The following PTPN2 variants were observed in gnomAD, a reference collection of about 807,000 sequenced individuals.
PTPN2 encodes the protein tyrosine-protein phosphatase non-receptor type 2.
In PTPN2, 19 loss-of-function variants were observed where a neutral mutation model predicts 57.3. The observed-to-expected ratio is 0.33, with a 90% CI of 0.23 to 0.49. The LOEUF (loss-of-function observed/expected upper bound fraction) is 0.49, where lower values mean the gene tolerates loss of function less well. Among genes scored for constraint, PTPN2 ranks in the 20% least tolerant of loss-of-function variants. The pLI is 0.99. For missense variants in PTPN2, 358 were observed against 501.1 expected (o/e 0.71, Z 2.73); for synonymous variants, 153 against 164.9 (o/e 0.93, Z 0.55).
intron 1 of PTPN2, among the ~76,000 whole-genome samples, chr18:12,860,699 C>T (rs1233115394): frequency 6.6e-6 from 1 of 152,116 alleles, no homozygotes; most frequent in Non-Finnish European, 1.5e-5. Flanking sequence ...GAGGCGGAGG[C>T]TGCAGTGAGC....
intron 1 of PTPN2, chr18:12,880,839 C>T (rs2145550753): frequency 6.6e-6 from 1 of 152,338 alleles, no homozygotes; most frequent in Non-Finnish European, 1.5e-5. Flanking sequence ...TTCATGATTT[C>T]CAAAATCACA....
At chr18:12,787,690 T>C (rs1233463845), downstream of PTPN2, 3 of 152,212 alleles carry the variant, frequency 2.0e-5, no homozygotes, top group Admixed American at 2.0e-4. Context: ...AGACTTTACT[T>C]GCAAGACTGA....
intron 1 of PTPN2, chr18:12,880,827 T>A (rs956271171): frequency 6.6e-6 from 1 of 152,276 alleles, no homozygotes; most frequent in Non-Finnish European, 1.5e-5. Flanking sequence ...ATCACCCATG[T>A]GTTCATGATT....
chr18:12,790,605 T>C (rs114159245), downstream of PTPN2, among the ~76,000 whole-genome samples: 569 of 152,220 alleles, frequency 3.7e-3, 7 homozygotes, highest in African/African-American at 0.013. Context: ...AAAGAAAAAA[T>C]ACAGTGTCTG....
intron 1 of PTPN2, among the ~76,000 whole-genome samples, chr18:12,871,855 C>G (rs375957228): frequency 1.3e-5 from 2 of 151,996 alleles, no homozygotes; most frequent in East Asian, 3.8e-4. Flanking sequence ...CAAGACCAGC[C>G]TGGCCAACAT....
At chr18:12,823,605 G>A (rs2042346451) in intron 5 of PTPN2, among the ~76,000 whole-genome samples, 1 of 152,112 alleles carries the variant, frequency 6.6e-6, no homozygotes, top group Non-Finnish European at 1.5e-5. Flanking sequence ...AATCCAGGAG[G>A]TGGAGGCTGC....
At chr18:12,850,544 G>C (rs1297513948) in intron 2 of PTPN2, among the ~76,000 whole-genome samples, 1 of 151,858 alleles carries the variant, frequency 6.6e-6, no homozygotes, top group East Asian at 1.9e-4. Flanking sequence ...TTTCATTGCA[G>C]TACTGTTTTA....
chr18:12,801,185 C>T (rs1195413303), intron 8 of PTPN2, among the ~76,000 whole-genome samples: 2 of 152,176 alleles, frequency 1.3e-5, no homozygotes, highest in African/African-American at 4.8e-5. Context: ...CCTTTGTCAT[C>T]ATATACTAAA....
chr18:12,809,181 G>A lies in PTPN2; in HGVS notation c.858+5022C>T, dbSNP rs541725158. On this transcript the variant is annotated intron_variant, in intron 7 of 8. Coordinates refer to ENST00000309660, the MANE Select transcript of PTPN2 (RefSeq NM_002828.4). ...TAGATGGCAACACAAACCAGGATTC[G>A]GACCAAGATGAAGACAAATTTCAGT... Among the ~76,000 whole-genome samples, 6 of 152,208 alleles carry A rather than the reference G, an allele frequency of 3.9e-5. No individual in the cohort carries two copies. The South Asian group carries it at 6.2e-4, about 16-fold the overall frequency.
At chr18:12,839,814 C>T (rs1048215474) in intron 2 of PTPN2, among the ~76,000 whole-genome samples, 3 of 152,134 alleles carry the variant, frequency 2.0e-5, no homozygotes, top group African/African-American at 7.2e-5. Context: ...GGAGTCCCTT[C>T]ACCTCCTACC....
chr18:12,826,986 G>A (rs187980657), intron 4 of PTPN2, among the ~76,000 whole-genome samples: 6 of 152,126 alleles, frequency 3.9e-5, no homozygotes, highest in African/African-American at 4.8e-5. Context: ...ATATTTTAAC[G>A]TCATGGGACA....
intron 5 of PTPN2, chr18:12,818,944 C>T (rs897407488): frequency 1.1e-5 from 2 of 185,294 alleles, no homozygotes; most frequent in South Asian, 2.9e-4. Context: ...AAATACAAAC[C>T]TTATCTGGGC....
chr18:12,857,653 G>T (rs963180879), intron 2 of PTPN2, among the ~76,000 whole-genome samples: 3 of 152,122 alleles, frequency 2.0e-5, no homozygotes, highest in Non-Finnish European at 4.4e-5. Flanking sequence ...TGGAGGCAGG[G>T]GAAGGGCACC....
At chr18:12,864,086 T>G (rs988386340) in intron 1 of PTPN2, 1 of 151,884 alleles carries the variant, frequency 6.6e-6, no homozygotes, top group Non-Finnish European at 1.5e-5. Flanking sequence ...TCATACCAAA[T>G]TGGCAGTAGC....
intron 1 of PTPN2, among the ~76,000 whole-genome samples, chr18:12,879,343 G>A (rs2145545906): frequency 6.6e-6 from 1 of 152,218 alleles, no homozygotes; most frequent in African/African-American, 2.4e-5. Context: ...TGTGCTCTTG[G>A]TCCCATTGAC....
At chr18:12,831,100 A>G in intron 3 of PTPN2, 59 bp from the exon 4 acceptor site, 1 of 1,253,546 alleles carries the variant, frequency 8.0e-7, no homozygotes, top group Non-Finnish European at 1.2e-6. Context: ...GCAAGGCTCC[A>G]GGAAGGCCTT....
At chr18:12,860,785 T>A (rs1337129270) in intron 1 of PTPN2, among the ~76,000 whole-genome samples, 1 of 81,584 alleles carries the variant, frequency 1.2e-5, no homozygotes, top group African/African-American at 3.0e-5. Flanking sequence ...CATTTCAACA[T>A]AGAAGACATT....
At chr18:12,848,785 T>C (rs2043297533) in intron 2 of PTPN2, among the ~76,000 whole-genome samples, 1 of 152,260 alleles carries the variant, frequency 6.6e-6, no homozygotes, top group Non-Finnish European at 1.5e-5. Context: ...CTCCTATTGT[T>C]TTAAGCCACT....
At chr18:12,877,716 T>A (rs1034477573) in intron 1 of PTPN2, among the ~76,000 whole-genome samples, 1 of 152,180 alleles carries the variant, frequency 6.6e-6, no homozygotes, top group Non-Finnish European at 1.5e-5. Context: ...AAATTTCTAA[T>A]AAAGAAAAAT....
Sources: allele counts gnomAD v4.1 joint callset (sites outside exome capture counted in the v4.1 genomes callset), GRCh38; gene constraint gnomAD v4.1.1; transcripts MANE v1.5; gene names NCBI Gene and HGNC (gene_info 2026-07-23, HGNC 2026-07-21).